PCLO: variants seen among roughly 807,000 people sequenced by gnomAD.
The protein encoded by PCLO is protein piccolo.
Under a neutral mutation model 427.5 loss-of-function variants are expected in PCLO, and 82 were observed. The observed-to-expected ratio is 0.19, with a 90% CI of 0.16 to 0.23. The LOEUF is 0.23. Ranked by LOEUF, PCLO falls within the 10% of genes least tolerant of loss-of-function variation. PCLO has a pLI of 1.00. For missense variants in PCLO, 6,239 were observed against 6,115.9 expected (o/e 1.02, Z -0.67); for synonymous variants, 2,357 against 2,155.4 (o/e 1.09, Z -2.59).
intron 3 of PCLO, among the ~76,000 whole-genome samples, chr7:83,047,835 G>T (rs1255606277): frequency 6.6e-6 from 1 of 151,912 alleles, no homozygotes; most frequent in Non-Finnish European, 1.5e-5. Context: ...AGGTTTGTTT[G>T]ACTTCAAAGT....
chr7:83,094,510 G>A (rs1473192340), intron 3 of PCLO, among the ~76,000 whole-genome samples: 3 of 151,964 alleles, frequency 2.0e-5, no homozygotes, highest in African/African-American at 7.2e-5. Context: ...TCTGGCCTAG[G>A]GAATGACTTT....
At chr7:82,806,298 A>C (rs1428432666) in intron 20 of PCLO, among the ~76,000 whole-genome samples, 1 of 152,176 alleles carries the variant, frequency 6.6e-6, no homozygotes, top group East Asian at 1.9e-4. Context: ...TAGAAACAAA[A>C]ATGCAAAATA....
At chr7:82,846,143 T>A (rs759116570) in intron 12 of PCLO, among the ~76,000 whole-genome samples, 6 of 152,158 alleles carry the variant, frequency 3.9e-5, no homozygotes, top group Non-Finnish European at 8.8e-5. Context: ...TTTTGTTTAC[T>A]ATAAAAAGGC....
At chr7:82,853,180 T>A (rs553414373) in intron 10 of PCLO, among the ~76,000 whole-genome samples, 28 of 152,264 alleles carry the variant, frequency 1.8e-4, no homozygotes, top group African/African-American at 3.9e-4. Flanking sequence ...TGATATTTTT[T>A]AAATTATTAT....
At chr7:82,820,714 G>C in intron 20 of PCLO, 1 of 1,231,016 alleles carries the variant, frequency 8.1e-7, no homozygotes, top group Non-Finnish European at 1.0e-6. Context: ...TGAAATAATA[G>C]GCAAAAAACA....
intron 3 of PCLO, among the ~76,000 whole-genome samples, chr7:83,045,404 A>G (rs1443596204): frequency 6.6e-6 from 1 of 152,138 alleles, no homozygotes; most frequent in Non-Finnish European, 1.5e-5. Context: ...AGTTCTACTC[A>G]TTCTTTATGA....
chr7:83,144,965 TA>T (rs1791956868), intron 2 of PCLO, among the ~76,000 whole-genome samples: 1 of 152,210 alleles, frequency 6.6e-6, no homozygotes, highest in South Asian at 2.1e-4. Context: ...CATATTTCTG[TA>T]AATGGTATTG....
At chr7:83,151,481 T>C (rs570428904) in intron 2 of PCLO, among the ~76,000 whole-genome samples, 6 of 152,354 alleles carry the variant, frequency 3.9e-5, no homozygotes, top group South Asian at 2.1e-4. Context: ...ATTATTTTCA[T>C]ATGTCAAATG....
intron 9 of PCLO, among the ~76,000 whole-genome samples, chr7:82,900,852 G>A (rs957550826): frequency 2.6e-5 from 4 of 151,524 alleles, no homozygotes; most frequent in African/African-American, 9.7e-5. Context: ...GCAAAGAGTG[G>A]GCAAAAGGAA....
At chr7:83,145,356 AT>A (rs1487226512) in intron 2 of PCLO, among the ~76,000 whole-genome samples, 1 of 152,218 alleles carries the variant, frequency 6.6e-6, no homozygotes, top group East Asian at 1.9e-4. Context: ...TATTCTGAAA[AT>A]ATCCCTGCCA....
chr7:82,862,407 T>C (rs1323474874), intron 10 of PCLO, among the ~76,000 whole-genome samples: 1 of 151,838 alleles, frequency 6.6e-6, no homozygotes, highest in Admixed American at 6.6e-5. Flanking sequence ...CTCACAAAAC[T>C]AAACATTGAT....
At chr7:83,154,488 T>C (rs547313276) in intron 2 of PCLO, among the ~76,000 whole-genome samples, 1 of 152,272 alleles carries the variant, frequency 6.6e-6, no homozygotes, top group Admixed American at 6.5e-5. Context: ...CAGAGTGAAA[T>C]GAGTAGATGC....
chr7:82,851,128 G>A (rs914863342), intron 10 of PCLO, among the ~76,000 whole-genome samples: 1 of 151,992 alleles, frequency 6.6e-6, no homozygotes, highest in Non-Finnish European at 1.5e-5. Context: ...GAATGCACAT[G>A]AGTGCAACTG....
chr7:82,806,431 G>A (rs1791458882), intron 20 of PCLO, among the ~76,000 whole-genome samples: 1 of 152,084 alleles, frequency 6.6e-6, no homozygotes, highest in Non-Finnish European at 1.5e-5. Context: ...TTATCATTGA[G>A]ACTTGTCTCA....
intron 1 of PCLO, 110 bp from the exon 2 acceptor site, chr7:83,156,502 T>C: frequency 1.5e-6 from 1 of 654,906 alleles, no homozygotes; most frequent in Non-Finnish European, 2.5e-6. Context: ...TATGAATGTA[T>C]AAATATAACT....
chr7:82,846,944 A>C (rs1038478012), intron 11 of PCLO, among the ~76,000 whole-genome samples, 195 bp downstream of exon 11: 1 of 152,172 alleles, frequency 6.6e-6, no homozygotes, highest in Non-Finnish European at 1.5e-5. Context: ...CCATAAAAGC[A>C]TGAAAGGGAA....
intron 22 of PCLO, among the ~76,000 whole-genome samples, chr7:82,774,680 C>T (rs1468250538): frequency 6.6e-6 from 1 of 152,110 alleles, no homozygotes; most frequent in Non-Finnish European, 1.5e-5. Flanking sequence ...TTAGCCTCTC[C>T]CATTATAAAC....
rs548351524 is a variant in PCLO at position 82,915,103 on chromosome 7, G to T, written c.12883C>A (p.Pro4295Thr). 1 of 1,595,750 alleles carries T rather than the reference G, an allele frequency of 6.3e-7. No individual in the cohort carries two copies. The highest frequency in any genetic ancestry group is 1.8e-5 in the Admixed American group (1 of 56,218). Residue 4295 changes from proline to threonine, a missense_variant, in exon 7 of 25, where the codon CCT (proline) becomes ACT (threonine). Pro to Thr is a conservative substitution (Grantham distance 38). Coordinates refer to ENST00000333891, the MANE Select transcript of PCLO (RefSeq NM_033026.6). ...SGSRSRPSSRPSSVYGLDLSI... is the reference protein window; with the variant it reads ...SGSRSRPSSRTSSVYGLDLSI... ...AAATCAAGCCCATAGACAGAGGAAG[G>T]TCTGGAGGAAGGTCTGGACCTGCTG...
At chr7:82,806,011 T>C (rs2129468831) in intron 20 of PCLO, among the ~76,000 whole-genome samples, 182 bp from the exon 21 acceptor site, 1 of 152,324 alleles carries the variant, frequency 6.6e-6, no homozygotes, top group South Asian at 2.1e-4. Context: ...AACAATAAAT[T>C]ATTTTACTGT....
Sources: allele counts gnomAD v4.1 joint callset (sites outside exome capture counted in the v4.1 genomes callset), GRCh38; gene constraint gnomAD v4.1.1; transcripts MANE v1.5; gene names NCBI Gene and HGNC (gene_info 2026-07-23, HGNC 2026-07-21).